The following SRD5A3 variants were observed in gnomAD, a reference collection of about 807,000 sequenced individuals.
SRD5A3 encodes polyprenal reductase.
Under a neutral mutation model 34.3 loss-of-function variants are expected in SRD5A3, and 24 were observed. The observed-to-expected ratio is 0.70, with a 90% confidence interval of 0.51 to 0.99. The LOEUF is 0.99. Ranked by LOEUF, SRD5A3 falls within the 50% of genes least tolerant of loss-of-function variation. SRD5A3 has a pLI of 0.00. For missense variants in SRD5A3, 350 were observed against 388.2 expected, an observed-to-expected ratio of 0.90 and a Z score of 0.83; for synonymous variants, 161 against 167.3, an observed-to-expected ratio of 0.96 and a Z score of 0.29.
chr4:55,358,123 C>T (rs192353029), intron 1 of SRD5A3, among the ~76,000 whole-genome samples: 18 of 152,132 alleles, frequency 1.2e-4, no homozygotes, highest in Admixed American at 1.0e-3. Flanking sequence ...AATATATGCA[C>T]GATGCATTGA....
Position 55,370,200 on chromosome 4 carries a change from A to G in SRD5A3, c.*109A>G, listed in dbSNP as rs2109489416. The G allele has an allele frequency of 1.4e-6, 2 of 1,458,072 alleles. No individual in the cohort carries two copies. Among genetic ancestry groups the G allele is most frequent in the South Asian group, 2.3e-5 (2 of 86,976 alleles). The allele number at this position is 1,458,072 out of a possible 1,614,324, so 90.3% of individuals were successfully genotyped here. A position where few individuals can be genotyped will look rare whatever the true frequency, so the allele number is the denominator to read the frequency against. Reference sequence around the variant, plus strand: ...TCAGCAAAGCTGTTTGAAACTCTCCATTCCATTTCTATACCCCACAAGTTT... The same window carrying G: ...TCAGCAAAGCTGTTTGAAACTCTCCGTTCCATTTCTATACCCCACAAGTTT... On this transcript the variant is annotated 3_prime_UTR_variant, in exon 5 of 5. Transcript: ENST00000264228.
At chr4:55,352,116 A>G (rs1228439530) in intron 1 of SRD5A3, 1 of 793,242 alleles carries the variant, frequency 1.3e-6, no homozygotes, top group Non-Finnish European at 2.3e-6. Flanking sequence ...CAAGGAATAC[A>G]CTTGGTATAC....
chr4:55,369,926 T>G lies in SRD5A3; in HGVS notation c.792T>G (p.Val264=). 6.2e-7 allele frequency: 1 copy of G among 1,614,176 alleles called. No homozygotes were observed. Among genetic ancestry groups the G allele is most frequent in the Non-Finnish European group, 8.5e-7 (1 of 1,180,032 alleles). Residue 264 remains valine, a synonymous_variant, in exon 5 of 5, where the codon GTT becomes GTG. Coordinates refer to ENST00000264228, the MANE Select transcript of SRD5A3 (RefSeq NM_024592.5). The part of the protein sequence containing the change: ...PNYLAELMIY[V]SMAVTFGFHN... ...ACTTAGCAGAGCTGATGATCTACGT[T>G]TCCATGGCCGTCACCTTTGGGTTCC...
At position 55,369,979 on chromosome 4, in the gene SRD5A3, C is replaced by G; in HGVS notation, c.845C>G (p.Thr282Arg). The change falls in exon 5 of 5, where the codon ACA (threonine) becomes AGA (arginine). Residue 282 changes from threonine (T) to arginine (R), a missense_variant. Thr to Arg is a moderately conservative substitution (Grantham distance 71, BLOSUM62 -1). Coordinates refer to ENST00000264228, the MANE Select transcript of SRD5A3 (RefSeq NM_024592.5). ...AACTTAACTTGGTGGCTAGTGGTGA[C>G]AAATGTCTTCTTTAATCAGGCCCTG... Reference protein sequence around the residue: ...FHNLTWWLVVTNVFFNQALSA... With the variant: ...FHNLTWWLVVRNVFFNQALSA... 1 of 1,614,138 alleles carries G rather than the reference C, an allele frequency of 6.2e-7. No individual in the cohort carries two copies. Among genetic ancestry groups the G allele is most frequent in the Non-Finnish European group, 8.5e-7 (1 of 1,180,002 alleles).
At chr4:55,348,847 T>G (rs1719088173) in intron 1 of SRD5A3, among the ~76,000 whole-genome samples, 1 of 152,242 alleles carries the variant, frequency 6.6e-6, no homozygotes, top group Non-Finnish European at 1.5e-5. Context: ...TATCCTCTGG[T>G]ATACTTCGTG....
chr4:55,363,961 C>A, intron 2 of SRD5A3, 113 bp from the exon 3 acceptor site: 1 of 1,136,766 alleles, frequency 8.8e-7, no homozygotes, highest in Non-Finnish European at 1.3e-6. Context: ...TCCTTACTAC[C>A]AAAAAGAAAG....
Position 55,370,308 on chromosome 4 carries a change from C to A in SRD5A3, c.*217C>A. 2 of 624,604 alleles carry A rather than the reference C, an allele frequency of 3.2e-6. No individual in the cohort carries two copies. Among genetic ancestry groups the A allele is most frequent in the Non-Finnish European group, 5.4e-6 (2 of 370,020 alleles). 38.7% of individuals were successfully genotyped at this position (624,604 alleles called of 1,614,324 possible). On this transcript the variant is annotated 3_prime_UTR_variant, in exon 5 of 5. Transcript: ENST00000264228. ...AGAATAAATACTAATGGCAGATCTG[C>A]GATTTCTGGGTCCACTTTCTGAGAT...
At chr4:55,361,719 G>C (rs545108699) in intron 2 of SRD5A3, among the ~76,000 whole-genome samples, 1 of 152,184 alleles carries the variant, frequency 6.6e-6, no homozygotes, top group South Asian at 2.1e-4. Context: ...CAGGAGAATG[G>C]CTTGAACCCA....
At chr4:55,359,113 G>T (rs1719580608) in intron 1 of SRD5A3, 9 of 522,948 alleles carry the variant, frequency 1.7e-5, no homozygotes, top group South Asian at 1.4e-4. Context: ...AGTTGGTTGT[G>T]TTCTTGTTAA....
At chr4:55,360,767 C>T (rs1335193013) in intron 2 of SRD5A3, among the ~76,000 whole-genome samples, 1 of 149,842 alleles carries the variant, frequency 6.7e-6, no homozygotes, top group Admixed American at 6.7e-5. Flanking sequence ...TGGCTCACTG[C>T]AACCTCTGCC....
In SRD5A3 at chr4:55,362,683, T is replaced by G. The variant is rs369325853; in HGVS notation, c.365-1391T>G. ...TGTGTTGCCCAGGCTGGTCTCAAAC[T>G]CCTGGTCTCAAGCGATCCTCCAACC... On this transcript the variant is annotated intron_variant, in intron 2 of 4. Transcript: ENST00000264228. 1.8e-4 allele frequency among the ~76,000 whole-genome samples: 27 copies of G among 151,846 alleles called. No individual in the cohort carries two copies. In the East Asian group the frequency reaches 3.1e-3, roughly 18 times the overall value.
intron 1 of SRD5A3, chr4:55,351,895 G>A (rs1248491107): frequency 1.5e-6 from 1 of 653,428 alleles, no homozygotes; most frequent in East Asian, 3.3e-5. Context: ...GGAACTCCAG[G>A]AATCTTAGGG....
chr4:55,356,125 C>T (rs1011870962), intron 1 of SRD5A3, among the ~76,000 whole-genome samples: 2 of 146,700 alleles, frequency 1.4e-5, no homozygotes, highest in Admixed American at 1.4e-4. Flanking sequence ...TCTCCTATCT[C>T]AGCCTCCCAA....
At chr4:55,369,503 G>T (rs1209392026) in intron 4 of SRD5A3, 1 of 341,650 alleles carries the variant, frequency 2.9e-6, no homozygotes, top group African/African-American at 2.1e-5. Flanking sequence ...GCTGAGGTGG[G>T]AGGATCACTT....
In SRD5A3 at chr4:55,370,211, A is replaced by T. The variant is rs971162079; in HGVS notation, c.*120A>T. On this transcript the variant is annotated 3_prime_UTR_variant, in exon 5 of 5. Coordinates refer to ENST00000264228, the MANE Select transcript of SRD5A3 (RefSeq NM_024592.5). ...GTTTGAAACTCTCCATTCCATTTCT[A>T]TACCCCACAAGTTTTCACTGAATGA... The T allele has an allele frequency of 7.3e-7, 1 of 1,362,418 alleles. No individual in the cohort carries two copies. The highest frequency in any genetic ancestry group is 1.4e-5 in the African/African-American group (1 of 69,754). The allele number at this position is 1,362,418 out of a possible 1,614,324, so 84.4% of individuals were successfully genotyped here. A position where few individuals can be genotyped will look rare whatever the true frequency, so the allele number is the denominator to read the frequency against.
chr4:55,365,505 G>T (rs1719854399), intron 3 of SRD5A3: 1 of 152,270 alleles, frequency 6.6e-6, no homozygotes, highest in South Asian at 2.1e-4. Context: ...CCATGGAAGG[G>T]GCTGTCATTC....
intron 2 of SRD5A3, among the ~76,000 whole-genome samples, chr4:55,361,879 A>T (rs1719700074): frequency 6.6e-6 from 1 of 152,126 alleles, no homozygotes; most frequent in African/African-American, 2.4e-5. Flanking sequence ...CACTCGTTAA[A>T]ACTTCATCTC....
At chr4:55,347,210 C>T (rs1719029737) in intron 1 of SRD5A3, among the ~76,000 whole-genome samples, 1 of 152,220 alleles carries the variant, frequency 6.6e-6, no homozygotes. Flanking sequence ...ATTAAATCGT[C>T]AGGTTTTAAA....
In SRD5A3 at chr4:55,346,330, G is replaced by C; in HGVS notation, c.-7G>C. On this transcript the variant is annotated 5_prime_UTR_variant, in exon 1 of 5. Transcript: ENST00000264228. ...CGCCAGCAGCGCGGAAGGCGGGCAC[G>C]CGGGCCATGGCTCCCTGGGCGGAGG... 7.0e-7 allele frequency: 1 copy of C among 1,434,922 alleles called. No homozygotes were observed. Among genetic ancestry groups the C allele is most frequent in the Non-Finnish European group, 9.1e-7 (1 of 1,096,980 alleles). The allele number at this position is 1,434,922 out of a possible 1,614,324, so 88.9% of individuals were successfully genotyped here.
Sources: gnomAD v4.1 joint callset for allele counts (sites outside exome capture counted in the v4.1 genomes callset) on GRCh38, gnomAD v4.1.1 for gene constraint, MANE v1.5 for transcripts, NCBI Gene and HGNC (gene_info 2026-07-23, HGNC 2026-07-21) for gene names.